Variants in GASK1A observed in about 807,000 individuals in gnomAD.
GASK1A encodes the protein Golgi-associated kinase 1A.
Under a neutral mutation model 41.2 loss-of-function variants are expected in GASK1A, and 40 were observed. That is an observed-to-expected ratio of 0.97 (90% confidence interval 0.75 to 1.27). The LOEUF (loss-of-function observed/expected upper bound fraction) is 1.27. Ranked by LOEUF, GASK1A falls within the 50% of genes most tolerant of loss-of-function variation. GASK1A has a pLI of 0.00. For missense variants in GASK1A, 678 were observed against 745.1 expected, an observed-to-expected ratio of 0.91 and a Z score of 1.05; for synonymous variants, 316 against 307.1, an observed-to-expected ratio of 1.03 and a Z score of -0.30.
chr3:43,029,735 G>A (rs920584735), intron 1 of GASK1A, among the ~76,000 whole-genome samples: 1 of 152,190 alleles, frequency 6.6e-6, no homozygotes, highest in Non-Finnish European at 1.5e-5. Flanking sequence ...CCAATGTAGA[G>A]GAACTGGAGG....
chr3:43,016,904 A>C (rs2089494274), intron 1 of GASK1A, among the ~76,000 whole-genome samples: 1 of 105,188 alleles, frequency 9.5e-6, no homozygotes, highest in African/African-American at 3.4e-5. Context: ...AATCCCATGA[A>C]GGGGCTGTGT....
At chr3:43,006,344 G>C (rs2089435992) in intron 1 of GASK1A, among the ~76,000 whole-genome samples, 1 of 152,136 alleles carries the variant, frequency 6.6e-6, no homozygotes, top group South Asian at 2.1e-4. Context: ...CCTGGTTTTA[G>C]TGGAGTAATT....
chr3:42,986,366 G>A (rs1201679168), intron 1 of GASK1A, among the ~76,000 whole-genome samples: 2 of 152,218 alleles, frequency 1.3e-5, no homozygotes, highest in Admixed American at 6.5e-5. Flanking sequence ...GAATTCTGGA[G>A]TGATGGAACT....
At chr3:43,034,785 G>A (rs1457126410) in intron 2 of GASK1A, among the ~76,000 whole-genome samples, 1 of 152,156 alleles carries the variant, frequency 6.6e-6, no homozygotes, top group Admixed American at 6.5e-5. Context: ...AGTAATACTG[G>A]TCCTTCATTC....
intron 1 of GASK1A, among the ~76,000 whole-genome samples, chr3:43,016,252 T>TGAG (rs2089490690): frequency 6.7e-6 from 1 of 148,572 alleles, no homozygotes; most frequent in Admixed American, 6.6e-5. Flanking sequence ...AGGGGAAGTG[T>TGAG]GAGGACACAG....
chr3:43,009,008 G>A (rs1027319765), intron 1 of GASK1A, among the ~76,000 whole-genome samples: 1 of 152,192 alleles, frequency 6.6e-6, no homozygotes, highest in Non-Finnish European at 1.5e-5. Context: ...ATAATGCTAA[G>A]TAATAACTAT....
chr3:42,995,537 G>A (rs1420319206), intron 1 of GASK1A, among the ~76,000 whole-genome samples: 1 of 152,230 alleles, frequency 6.6e-6, no homozygotes, highest in Non-Finnish European at 1.5e-5. Flanking sequence ...GATTTGGCCT[G>A]TGGGTCCCGG....
In GASK1A at chr3:43,026,816, GTAAAA is replaced by G. The variant is rs527638105; in HGVS notation, c.4-5446_4-5442del. Among the ~76,000 whole-genome samples the G allele has an allele frequency of 2.4e-4, 25 of 103,530 alleles. No individual in the cohort carries two copies. In the East Asian group the frequency reaches 4.7e-3, roughly 19 times the overall value. The allele number at this position is 103,530 out of a possible 152,430, so 67.9% of individuals were successfully genotyped here. On this transcript the variant is annotated intron_variant, in intron 1 of 4. Transcript: ENST00000430121. ...ATAATTGAAGAGCCTAAAGAAAAAA[GTAAAA>G]TAAAGTCATGGAATGGAAGAAATAT...
chr3:42,980,862 A>G (rs1218977010), intron 1 of GASK1A, among the ~76,000 whole-genome samples: 1 of 152,194 alleles, frequency 6.6e-6, no homozygotes, highest in Non-Finnish European at 1.5e-5. Context: ...TGTGAAACGA[A>G]AAGTGTGGAG....
chr3:42,995,834 T>G (rs1575436295), intron 1 of GASK1A, among the ~76,000 whole-genome samples: 1 of 152,200 alleles, frequency 6.6e-6, no homozygotes, highest in Non-Finnish European at 1.5e-5. Context: ...AGAAACTTAC[T>G]TTATTTTTCA....
intron 1 of GASK1A, among the ~76,000 whole-genome samples, chr3:42,992,044 AT>A (rs2089344121): frequency 1.5e-5 from 2 of 136,538 alleles, no homozygotes; most frequent in Non-Finnish European, 3.0e-5. Flanking sequence ...ATGCTATTGT[AT>A]TCCTTTCTTT....
Position 43,053,585 on chromosome 3 carries a change from AAG to A in GASK1A, c.1360_1361del (p.Arg454AlafsTer31). 2 of 1,551,690 alleles carry A rather than the reference AAG, an allele frequency of 1.3e-6. No homozygotes were observed. Among genetic ancestry groups the A allele is most frequent in the Admixed American group, 2.0e-5 (1 of 51,004 alleles). On this transcript the variant is annotated frameshift_variant, in exon 3 of 5. Transcript: ENST00000430121. LOFTEE classifies it high-confidence loss of function. ...CCTGAGCCCTCAGACCCCTGTGTGG[AAG>A]AGAGGCTCCGAGAGAAATGCCAGAA...
At chr3:42,983,431 G>C (rs1455038984) in intron 1 of GASK1A, among the ~76,000 whole-genome samples, 3 of 152,110 alleles carry the variant, frequency 2.0e-5, no homozygotes, top group Non-Finnish European at 4.4e-5. Context: ...TAAGGATCTA[G>C]TATAGATGAA....
chr3:42,995,587 C>T (rs1296774831), intron 1 of GASK1A, among the ~76,000 whole-genome samples: 1 of 152,212 alleles, frequency 6.6e-6, no homozygotes, highest in East Asian at 1.9e-4. Flanking sequence ...GTATGAATCT[C>T]TACCACCTCC....
chr3:43,053,437 A>G, intron 2 of GASK1A, 84 bp from the exon 3 acceptor site: 1 of 1,435,324 alleles, frequency 7.0e-7, no homozygotes, highest in South Asian at 1.5e-5. Context: ...CATGTAGGAA[A>G]CAGCAGGTCA....
intron 1 of GASK1A, among the ~76,000 whole-genome samples, chr3:43,002,783 G>A (rs2089416885): frequency 6.6e-6 from 1 of 151,768 alleles, no homozygotes; most frequent in Admixed American, 6.6e-5. Context: ...TAAAAATGTG[G>A]CCACTAGAAA....
intron 1 of GASK1A, among the ~76,000 whole-genome samples, chr3:42,998,740 G>T (rs956427777): frequency 1.3e-5 from 2 of 152,094 alleles, no homozygotes; most frequent in African/African-American, 4.8e-5. Context: ...GCTTACTCCC[G>T]CTCCCTGTGA....
chr3:43,004,480 C>CCA (rs1335401218), intron 1 of GASK1A, among the ~76,000 whole-genome samples: 2 of 152,144 alleles, frequency 1.3e-5, no homozygotes, highest in Non-Finnish European at 2.9e-5. Flanking sequence ...CTACACCCAC[C>CCA]CACCCTCTTC....
intron 1 of GASK1A, among the ~76,000 whole-genome samples, chr3:43,002,152 T>G (rs945091570): frequency 6.6e-6 from 1 of 152,142 alleles, no homozygotes; most frequent in South Asian, 2.1e-4. Context: ...GAATCCTCCT[T>G]GTTAGATGGT....
Sources: allele counts gnomAD v4.1 joint callset (sites outside exome capture counted in the v4.1 genomes callset), GRCh38; gene constraint gnomAD v4.1.1; transcripts MANE v1.5; gene names NCBI Gene and HGNC (gene_info 2026-07-23, HGNC 2026-07-21).